DSP: variants seen among roughly 807,000 people sequenced by gnomAD.
DSP encodes the protein desmoplakin, also known as 250/210 kDa paraneoplastic pemphigus antigen.
In DSP, 114 loss-of-function variants were observed where a neutral mutation model predicts 290.6. The ratio of observed to expected loss-of-function variants is 0.39; its 90% CI spans 0.34 to 0.46. The LOEUF is 0.46. Ranked by LOEUF, DSP falls within the 20% of genes least tolerant of loss-of-function variation. DSP has a pLI of 0.99. For synonymous variants in DSP, 1,311 were observed against 1,316.4 expected (o/e 1.00, Z 0.09); for missense variants, 3,230 against 3,495.8 (o/e 0.92, Z 1.92).
At position 7,542,067 on chromosome 6, in the gene DSP, A is replaced by G; in HGVS notation, c.152A>G (p.Gln51Arg). ...YYSRRGVITD[Q>R]NSDGYCQTGT... is the part of the protein sequence containing the mutation. ...TCTCGGCGCGGCGTGATCACCGACC[A>G]GAACTCGGACGGCTACTGGTGGGTA... is the stretch of plus-strand genomic sequence containing the variant. The change falls in exon 1 of 24, where the codon CAG becomes CGG. Residue 51 changes from glutamine (Q) to arginine (R), a missense_variant. Transcript: ENST00000379802. 1 of 1,566,256 alleles carries G rather than the reference A, an allele frequency of 6.4e-7. No homozygotes were observed. The highest frequency in any genetic ancestry group is 1.7e-4 in the Middle Eastern group (1 of 6,010).
chr6:7,575,555 CT>C, intron 18 of DSP, 67 bp downstream of exon 18: 1 of 1,588,174 alleles, frequency 6.3e-7, no homozygotes, highest in South Asian at 1.1e-5. Flanking sequence ...GATAATGTCA[CT>C]TGAAGGGAAC....
intron 1 of DSP, among the ~76,000 whole-genome samples, chr6:7,552,294 G>A (rs1758362784): frequency 6.6e-6 from 1 of 151,998 alleles, no homozygotes. Context: ...GGTGGCTCAC[G>A]CCTGTAATCC....
intron 15 of DSP, among the ~76,000 whole-genome samples, chr6:7,573,364 G>A (rs1006404161): frequency 6.6e-6 from 1 of 152,084 alleles, no homozygotes; most frequent in East Asian, 1.9e-4. Context: ...GGATCACAAG[G>A]TCAGGAGTTC....
At position 7,578,521 on chromosome 6, in the gene DSP, A is replaced by G; in HGVS notation, c.3043A>G (p.Arg1015Gly). 6.2e-7 allele frequency: 1 copy of G among 1,613,840 alleles called. No homozygotes were observed. Among genetic ancestry groups the G allele is most frequent in the Non-Finnish European group, 8.5e-7 (1 of 1,179,880 alleles). Residue 1015 changes from arginine (R) to glycine (G), a missense_variant, in exon 22 of 24, where the codon AGG becomes GGG. Physicochemically the swap from Arg to Gly is moderately radical, Grantham distance 125. Coordinates refer to ENST00000379802, the MANE Select transcript of DSP (RefSeq NM_004415.4). ...ACTTACAAGATCTGGAGACTATTACAGGTTCTTAAGTGAGATGCTGAAGAG... is the reference window on the plus strand; with the variant it reads ...ACTTACAAGATCTGGAGACTATTACGGGTTCTTAAGTGAGATGCTGAAGAG... ...ELLTRSGDYY[R>G]FLSEMLKSLE...
chr6:7,580,823 G>T lies in DSP; in HGVS notation c.4633G>T (p.Val1545Phe). The change falls in exon 23 of 24, where the codon GTT becomes TTT. Residue 1545 changes from valine (V) to phenylalanine (F), a missense_variant. By Grantham distance (50) the Val-to-Phe change is conservative. Around this residue, in one of 5 missense-constraint regions of DSP, gnomAD observed 1,714 missense variants for 1,844.5 expected, o/e 0.93. Coordinates refer to ENST00000379802, the MANE Select transcript of DSP (RefSeq NM_004415.4). The surrounding 1 kb of genome is among the most constrained non-coding windows in gnomAD (Gnocchi z 4.2). ...ACGCCTGAGGATCGACTATGAAAGG[G>T]TTTCCCAGGAGAGGACTGTGAAGGA... ...LTRLRIDYER[V>F]SQERTVKDQD... 6.2e-7 allele frequency: 1 copy of T among 1,614,162 alleles called. No individual in the cohort carries two copies. The highest frequency in any genetic ancestry group is 8.5e-7 in the Non-Finnish European group (1 of 1,180,042).
Position 7,585,437 on chromosome 6 carries a change from C to A in DSP, c.8175C>A (p.Arg2725=), listed in dbSNP as rs11558731. 0.056 allele frequency: 90,605 copies of A among 1,614,098 alleles called. 2,881 individuals carry two copies. The highest frequency in any genetic ancestry group is 0.066 in the Non-Finnish European group (77,319 of 1,180,016). Residue 2725 remains arginine (R), a synonymous_variant, in exon 24 of 24, where the codon CGC becomes CGA. Transcript: ENST00000379802. ...GGCTCCCGTATGAGGCTGGCCAGCGCTTCCTGGAGTTCCAGTACCTCACGG... is the reference window on the plus strand; with the variant it reads ...GGCTCCCGTATGAGGCTGGCCAGCGATTCCTGGAGTTCCAGTACCTCACGG... ...EKWLPYEAGQ[R]FLEFQYLTGG...
chr6:7,582,918 GAA>G lies in DSP; in HGVS notation c.5659_5660del (p.Lys1887GlufsTer2). On this transcript the variant is annotated frameshift_variant, in exon 24 of 24. Transcript: ENST00000379802. LOFTEE classifies it high-confidence loss of function. This position sits in a 1 kb window ranked among gnomAD's most constrained non-coding sequence, Gnocchi z 4.2. ...EAIRKIESER[E>X]KSEREKNSLR... The stretch of plus-strand genomic sequence containing the variant: ...TATTAGGAAGATAGAATCGGAAAGA[GAA>G]AAGAGTGAGAGAGAGAAGAACAGTC... The G allele has an allele frequency of 6.2e-7, 1 of 1,614,094 alleles. No homozygotes were observed. Among genetic ancestry groups the G allele is most frequent in the Non-Finnish European group, 8.5e-7 (1 of 1,180,046 alleles).
In DSP at chr6:7,580,109, G is replaced by A. The variant is rs367579811; in HGVS notation, c.3919G>A (p.Ala1307Thr). 2.0e-5 allele frequency: 33 copies of A among 1,613,940 alleles called. No homozygotes were observed. The highest frequency in any genetic ancestry group is 2.8e-5 in the Non-Finnish European group (33 of 1,179,980). ...CATGCAGCAGCGCTCTGAGGACAAT[G>A]CCCGGCACAAGCAGTCCCTGGAGGA... ...QVMQQRSEDN[A>T]RHKQSLEEAA... is the part of the protein sequence containing the mutation. Residue 1307 changes from alanine (A) to threonine (T), a missense_variant, in exon 23 of 24, where the codon GCC (alanine) becomes ACC (threonine). Physicochemically the swap from Ala to Thr is moderately conservative, Grantham distance 58. Transcript: ENST00000379802. This position sits in a 1 kb window ranked among gnomAD's most constrained non-coding sequence, Gnocchi z 4.2.
intron 16 of DSP, among the ~76,000 whole-genome samples, 170 bp from the exon 17 acceptor site, chr6:7,574,487 T>C (rs1759168470): frequency 6.6e-6 from 1 of 152,176 alleles, no homozygotes; most frequent in Admixed American, 6.5e-5. Flanking sequence ...ACTTGAGAAT[T>C]CTTCAGCGAA....
chr6:7,562,841 C>T, intron 5 of DSP, 61 bp downstream of exon 5: 2 of 1,608,700 alleles, frequency 1.2e-6, no homozygotes, highest in Non-Finnish European at 1.7e-6. Context: ...CGTGTAATTA[C>T]TCAATCCCAG....
chr6:7,568,926 A>C (rs1758946723), intron 11 of DSP, among the ~76,000 whole-genome samples: 1 of 152,220 alleles, frequency 6.6e-6, no homozygotes, highest in Non-Finnish European at 1.5e-5. Context: ...ATATAAAGTG[A>C]ATGTCTCTCA....
Position 7,583,331 on chromosome 6 carries a change from T to C in DSP, c.6069T>C (p.Ala2023=), listed in dbSNP as rs764964488. The part of the protein sequence containing the change: ...RGAGSIAGAS[A]SPKEKYSLVE... ...CAGGATCTATCGCTGGAGCATCTGC[T>C]TCTCCTAAGGAAAAATACTCTTTGG... Residue 2023 remains alanine (A), a synonymous_variant, in exon 24 of 24, where the codon GCT becomes GCC. Coordinates refer to ENST00000379802, the MANE Select transcript of DSP (RefSeq NM_004415.4). The surrounding 1 kb of genome is among the most constrained non-coding windows in gnomAD (Gnocchi z 4.0). 1.9e-6 allele frequency: 3 copies of C among 1,614,208 alleles called. No homozygotes were observed. The highest frequency in any genetic ancestry group is 1.3e-5 in the African/African-American group (1 of 75,046).
chr6:7,546,275 T>C (rs1302919372), intron 1 of DSP, among the ~76,000 whole-genome samples: 1 of 152,168 alleles, frequency 6.6e-6, no homozygotes, highest in Non-Finnish European at 1.5e-5. Context: ...AGAGCTCGAG[T>C]GACTCATAGC....
In DSP at chr6:7,541,766, C is replaced by G. The variant is rs940811177; in HGVS notation, c.-150C>G. 9 of 1,015,268 alleles carry G rather than the reference C, an allele frequency of 8.9e-6. No homozygotes were observed. The highest frequency in any genetic ancestry group is 1.1e-5 in the Non-Finnish European group (8 of 721,632). 62.9% of individuals were successfully genotyped at this position (1,015,268 alleles called of 1,614,324 possible). On this transcript the variant is annotated 5_prime_UTR_variant, in exon 1 of 24. Transcript: ENST00000379802. ...CGCGCTCGCAGCGGCCTCGGGAGGG[C>G]CCAGGTAGCGAGCAGCGACCTCGCG...
At position 7,585,421 on chromosome 6, in the gene DSP, A is replaced by T. The variant is rs367972703; in HGVS notation, c.8159A>T (p.Tyr2720Phe). 6.2e-7 allele frequency: 1 copy of T among 1,614,064 alleles called. No homozygotes were observed. Among genetic ancestry groups the T allele is most frequent in the African/African-American group, 1.3e-5 (1 of 74,938 alleles). Reference sequence around the variant, plus strand: ...GCAGTGAAAGAAAAATGGCTCCCGTATGAGGCTGGCCAGCGCTTCCTGGAG... The same window carrying T: ...GCAGTGAAAGAAAAATGGCTCCCGTTTGAGGCTGGCCAGCGCTTCCTGGAG... ...AEAVKEKWLP[Y>F]EAGQRFLEFQ... is the part of the protein sequence containing the mutation. The change falls in exon 24 of 24, where the codon TAT (tyrosine) becomes TTT (phenylalanine). Residue 2720 changes from tyrosine (Y) to phenylalanine (F), a missense_variant. This residue lies in a region of DSP where 582 missense variants were observed against 555.4 expected (regional missense o/e 1.05). Coordinates refer to ENST00000379802, the MANE Select transcript of DSP (RefSeq NM_004415.4).
At chr6:7,567,681 C>A in intron 9 of DSP, 100 bp from the exon 10 acceptor site, 1 of 1,576,674 alleles carries the variant, frequency 6.3e-7, no homozygotes, top group Non-Finnish European at 8.7e-7. Context: ...AGCCACCTGT[C>A]AAAGAGATGT....
chr6:7,583,011 C>T lies in DSP; in HGVS notation c.5749C>T (p.Leu1917=), dbSNP rs936938713. ...KRIEERCRRK[L]EDSTRETQSQ... is the part of the protein sequence containing the mutation. ...AATTGAAGAGAGGTGCAGGCGTAAG[C>T]TGGAGGATTCTACCAGGGAGACACA... Residue 1917 remains leucine (L), a synonymous_variant, in exon 24 of 24, where the codon CTG becomes TTG. Coordinates refer to ENST00000379802, the MANE Select transcript of DSP (RefSeq NM_004415.4). This position sits in a 1 kb window ranked among gnomAD's most constrained non-coding sequence, Gnocchi z 4.0. The T allele has an allele frequency of 2.5e-5, 40 of 1,613,962 alleles. No homozygotes were observed. The highest frequency in any genetic ancestry group is 3.3e-5 in the Non-Finnish European group (39 of 1,180,018).
In DSP at chr6:7,585,149, G is replaced by GA; in HGVS notation, c.7891dup (p.Ile2631AsnfsTer13). On this transcript the variant is annotated frameshift_variant, in exon 24 of 24. Coordinates refer to ENST00000379802, the MANE Select transcript of DSP (RefSeq NM_004415.4). LOFTEE classifies it high-confidence loss of function. Reference sequence around the variant, plus strand: ...CCATCTTTGACACAGAAAACCTGGAGAAAATCTCCATTACAGAAGGTATAG... The same window carrying GA: ...CCATCTTTGACACAGAAAACCTGGAGAAAAATCTCCATTACAGAAGGTATAG... 6.2e-7 allele frequency: 1 copy of GA among 1,614,140 alleles called. No homozygotes were observed.
At position 7,584,255 on chromosome 6, in the gene DSP, T is replaced by C. The variant is rs767282172; in HGVS notation, c.6993T>C (p.Ser2331=). 2 of 1,614,212 alleles carry C rather than the reference T, an allele frequency of 1.2e-6. No individual in the cohort carries two copies. The highest frequency in any genetic ancestry group is 1.7e-6 in the Non-Finnish European group (2 of 1,180,036). ...TTGAGTTCAAAGAGAAGCTCCTGTCTGCAGAACGAGCTGTCACTGGGTATA... is the reference window on the plus strand; with the variant it reads ...TTGAGTTCAAAGAGAAGCTCCTGTCCGCAGAACGAGCTGTCACTGGGTATA... ...VGIEFKEKLL[S]AERAVTGYND... The change falls in exon 24 of 24, where the codon TCT becomes TCC. Residue 2331 remains serine, a synonymous_variant. Transcript: ENST00000379802. This position sits in a 1 kb window ranked among gnomAD's most constrained non-coding sequence, Gnocchi z 6.4.
Sources: gnomAD v4.1 joint callset for allele counts (sites outside exome capture counted in the v4.1 genomes callset) on GRCh38, gnomAD v4.1.1 for gene constraint, gnomAD v4.1.1 regional missense constraint, Gnocchi (gnomAD v3.1) non-coding constraint, MANE v1.5 for transcripts, NCBI Gene and HGNC (gene_info 2026-07-23, HGNC 2026-07-21) for gene names.